LPA: variants seen among roughly 807,000 people sequenced by gnomAD.
LPA encodes the protein lipoprotein(a).
In LPA, 199 loss-of-function variants were observed where a neutral mutation model predicts 197.9. The ratio of observed to expected loss-of-function variants is 1.01; its 90% confidence interval spans 0.90 to 1.13. LPA has a LOEUF of 1.13. Ranked by LOEUF, LPA falls within the 50% of genes most tolerant of loss-of-function variation. LPA has a pLI of 0.00. For synonymous variants in LPA, 715 were observed against 639.5 expected (o/e 1.12, Z -1.78); for missense variants, 1,853 against 1,785.8 (o/e 1.04, Z -0.68).
In LPA at chr6:160,586,449, C is replaced by T. The variant is rs547126372; in HGVS notation, c.4129G>A (p.Ala1377Thr). 1.5e-5 allele frequency: 25 copies of T among 1,613,506 alleles called. No individual in the cohort carries two copies. In the African/African-American group the frequency reaches 1.7e-4, roughly 11 times the overall value. Residue 1377 changes from alanine to threonine, a missense_variant and splice_region_variant, in exon 25 of 39, where the codon GCA becomes ACA. Transcript: ENST00000316300. ...GGTTGTCTGACTGCAGGCTTCTTAC[C>T]TTCTTCAGAAGGAAGCTCTGTGCTT... is the stretch of plus-strand genomic sequence containing the variant. The part of the protein sequence containing the change: ...VPSTELPSEE[A>T]PTENSTGVQD...
chr6:160,533,495 A>G (rs138671474), intron 37 of LPA, among the ~76,000 whole-genome samples: 1,730 of 152,150 alleles, frequency 0.011, 32 homozygotes, highest in Middle Eastern at 0.051. Flanking sequence ...CTTCCTCCCC[A>G]TGCGTGTTGG....
In LPA at chr6:160,576,398, ATATATATATATATATATGGG is replaced by A. The variant is rs71542981; in HGVS notation, c.4631+718_4631+737del. On this transcript the variant is annotated intron_variant, in intron 28 of 38. Transcript: ENST00000316300. ...TATATATATATATATATGTATATATATATATATATATATATATGGGTATATATATATATACACACATGCAC... is the reference window on the plus strand; with the variant it reads ...TATATATATATATATATGTATATATATATATATATATATACACACATGCAC... Among the ~76,000 whole-genome samples, 50 of 54,982 alleles carry A rather than the reference ATATATATATATATATATGGG, an allele frequency of 9.1e-4. 1 individual carries two copies. Among genetic ancestry groups the A allele is most frequent in the African/African-American group, 5.3e-3 (45 of 8,538 alleles). 36.1% of individuals were successfully genotyped at this position (54,982 alleles called of 152,430 possible).
chr6:160,594,187 AC>A, intron 21 of LPA, 70 bp from the exon 22 acceptor site: 1 of 1,573,968 alleles, frequency 6.4e-7, no homozygotes, highest in Non-Finnish European at 8.7e-7. Context: ...GAAATCTGTG[AC>A]TGAAACAGGA....
intron 28 of LPA, among the ~76,000 whole-genome samples, chr6:160,573,635 C>T (rs1418904594): frequency 1.3e-5 from 2 of 152,164 alleles, no homozygotes; most frequent in East Asian, 1.9e-4. Flanking sequence ...GTAGTACTCT[C>T]CCTCTTTTCC....
At chr6:160,562,424 GA>G (rs1171481346) in intron 28 of LPA, among the ~76,000 whole-genome samples, 1 of 152,188 alleles carries the variant, frequency 6.6e-6, no homozygotes, top group African/African-American at 2.4e-5. Flanking sequence ...AAGCCAACTT[GA>G]TCATGGTGGA....
intron 16 of LPA, among the ~76,000 whole-genome samples, chr6:160,611,225 A>G (rs1779504755): frequency 6.6e-6 from 1 of 152,148 alleles, no homozygotes; most frequent in East Asian, 1.9e-4. Context: ...AAGTCAGAAT[A>G]ACGGAATTCC....
chr6:160,578,299 G>C (rs1459721233), intron 27 of LPA, among the ~76,000 whole-genome samples: 6 of 152,038 alleles, frequency 3.9e-5, no homozygotes, highest in Non-Finnish European at 8.8e-5. Flanking sequence ...GCCCTGGCGG[G>C]TCTGTGCCCT....
rs1562354401 is a variant in LPA at position 160,653,973 on chromosome 6, TA to T, written c.50-3477del. 2.4e-3 allele frequency among the ~76,000 whole-genome samples: 51 copies of T among 21,116 alleles called. 4 individuals carry two copies. The highest frequency in any genetic ancestry group is 4.2e-3 in the Admixed American group (4 of 956). The allele number at this position is 21,116 out of a possible 152,430, so 13.9% of individuals were successfully genotyped here. A position where few individuals can be genotyped will look rare whatever the true frequency, so the allele number is the denominator to read the frequency against. ...TATTATATATAATATATATTATATATAATATATAATATATAATATATATTAT... is the reference window on the plus strand; with the variant it reads ...TATTATATATAATATATATTATATATATATATAATATATAATATATATTAT... On this transcript the variant is annotated intron_variant, in intron 1 of 38. Transcript: ENST00000316300.
rs1778984055 is a variant in LPA, at chr6:160,589,562, T to C, written c.3938A>G (p.Tyr1313Cys). 2 of 1,613,686 alleles carry C rather than the reference T, an allele frequency of 1.2e-6. No individual in the cohort carries two copies. Among genetic ancestry groups the C allele is most frequent in the Non-Finnish European group, 1.7e-6 (2 of 1,179,796 alleles). ...PHWHQRTTEY[Y>C]PNGGLTRNYC... ...AAACTCAAAGACATACCCATTTGGGTAGTATTCTGTGGTTCTCTGATGCCA... is the reference window on the plus strand; with the variant it reads ...AAACTCAAAGACATACCCATTTGGGCAGTATTCTGTGGTTCTCTGATGCCA... Residue 1313 changes from tyrosine (Y) to cysteine (C), a missense_variant, in exon 24 of 39, where the codon TAC (tyrosine) becomes TGC (cysteine). Transcript: ENST00000316300.
intron 7 of LPA, among the ~76,000 whole-genome samples, chr6:160,634,470 G>C (rs1210551442): frequency 1.5e-5 from 2 of 131,384 alleles, no homozygotes; most frequent in African/African-American, 3.2e-5. Context: ...AGGAGGGAGG[G>C]AATCTTCTCA....
chr6:160,589,408 C>A (rs1006371685), intron 24 of LPA, 145 bp downstream of exon 24: 4 of 944,964 alleles, frequency 4.2e-6, no homozygotes, highest in Non-Finnish European at 6.6e-6. Context: ...AGACCCTGTG[C>A]CCAAAGCAAG....
At chr6:160,635,062 A>G in intron 7 of LPA, 61 bp downstream of exon 7, 1 of 1,436,152 alleles carries the variant, frequency 7.0e-7, no homozygotes, top group East Asian at 2.3e-5. Context: ...ATCAGTGGGA[A>G]TTTCCATGGC....
chr6:160,663,935 T>C (rs977703170), intron 1 of LPA, among the ~76,000 whole-genome samples: 1 of 152,224 alleles, frequency 6.6e-6, no homozygotes, highest in Admixed American at 6.5e-5. Flanking sequence ...TCTTTTAGAT[T>C]AGAAAAATCA....
rs867902666 is a variant in LPA at position 160,549,539 on chromosome 6, A to T, written c.4974-880T>A. 2.0e-5 allele frequency among the ~76,000 whole-genome samples: 3 copies of T among 152,354 alleles called. No homozygotes were observed. In the South Asian group the frequency reaches 6.2e-4, roughly 32 times the overall value. On this transcript the variant is annotated intron_variant, in intron 30 of 38. Coordinates refer to ENST00000316300, the MANE Select transcript of LPA (RefSeq NM_005577.4). Reference sequence around the variant, plus strand: ...AGGAGGAAATGCCATCCAAGATGATATCATTCCCAGGCCAGCCTCCCTTAC... The same window carrying T: ...AGGAGGAAATGCCATCCAAGATGATTTCATTCCCAGGCCAGCCTCCCTTAC...
Position 160,557,240 on chromosome 6 carries a change from TG to T in LPA, c.4813+149del, listed in dbSNP as rs1197674216. 1.9e-5 allele frequency: 17 copies of T among 911,080 alleles called. No individual in the cohort carries two copies. In the Admixed American group the frequency reaches 3.8e-4, roughly 20 times the overall value. The allele number at this position is 911,080 out of a possible 1,614,324, so 56.4% of individuals were successfully genotyped here. A position where few individuals can be genotyped will look rare whatever the true frequency, so the allele number is the denominator to read the frequency against. The stretch of plus-strand genomic sequence containing the variant: ...CGCCCACGCACGTTGCGCCAAAAAT[TG>T]CTCCACCAGAGAGAGTGCTGAGGCT... On this transcript the variant is annotated intron_variant, in intron 29 of 38. Transcript: ENST00000316300.
At chr6:160,567,071 A>G (rs1217747614) in intron 28 of LPA, among the ~76,000 whole-genome samples, 1 of 152,198 alleles carries the variant, frequency 6.6e-6, no homozygotes, top group African/African-American at 2.4e-5. Flanking sequence ...CACTGTCAAC[A>G]TTAGACAGAT....
chr6:160,543,260 C>T (rs1778014283), intron 33 of LPA, among the ~76,000 whole-genome samples: 1 of 152,098 alleles, frequency 6.6e-6, no homozygotes, highest in African/African-American at 2.4e-5. Context: ...TTTTCCTCCT[C>T]CCTGCCTTCT....
intron 28 of LPA, among the ~76,000 whole-genome samples, chr6:160,576,351 TATATATATATATATAC>T (rs1249540111): frequency 4.3e-4 from 19 of 43,914 alleles, no homozygotes; most frequent in African/African-American, 2.8e-3. Flanking sequence ...TATATATATA[TATATATATATATATAC>T]ATATATATAT....
intron 37 of LPA, among the ~76,000 whole-genome samples, chr6:160,535,664 G>A (rs1777883708): frequency 6.6e-6 from 1 of 151,080 alleles, no homozygotes; most frequent in Non-Finnish European, 1.5e-5. Flanking sequence ...GGTAGTGCCA[G>A]TAAGAATGAT....
Sources: gnomAD v4.1 joint callset for allele counts (sites outside exome capture counted in the v4.1 genomes callset) on GRCh38, gnomAD v4.1.1 for gene constraint, MANE v1.5 for transcripts, NCBI Gene and HGNC (gene_info 2026-07-23, HGNC 2026-07-21) for gene names.